The following GRIP1 variants were observed in gnomAD, a reference collection of about 807,000 sequenced individuals.
GRIP1 encodes the protein glutamate receptor-interacting protein 1.
In GRIP1, 45 loss-of-function variants were observed where a neutral mutation model predicts 129.9. That is an observed-to-expected ratio of 0.35 (90% CI 0.27 to 0.44). GRIP1 has a LOEUF of 0.44. GRIP1 is among the 20% of genes least tolerant of loss of function. The pLI is 1.00. For synonymous variants in GRIP1, 530 were observed against 520.8 expected (o/e 1.02, Z -0.24); for missense variants, 1,196 against 1,396.8 (o/e 0.86, Z 2.29).
chr12:66,755,550 T>C (rs2037261333), intron 1 of GRIP1, among the ~76,000 whole-genome samples: 1 of 152,226 alleles, frequency 6.6e-6, no homozygotes, highest in African/African-American at 2.4e-5. Context: ...ATCTTCATAC[T>C]CCCTTGGCTA....
intron 1 of GRIP1, among the ~76,000 whole-genome samples, chr12:66,914,401 A>G (rs542635521): frequency 2.0e-5 from 3 of 152,320 alleles, no homozygotes; most frequent in Admixed American, 6.5e-5. Flanking sequence ...GAATTGTGTT[A>G]TTGCAAATTT....
intron 1 of GRIP1, among the ~76,000 whole-genome samples, chr12:66,945,362 G>A (rs1592376534): frequency 6.6e-6 from 1 of 152,118 alleles, no homozygotes; most frequent in Admixed American, 6.5e-5. Context: ...GCACTAACCT[G>A]TTCTTGTGTT....
chr12:66,961,684 G>A (rs951271925), intron 1 of GRIP1, among the ~76,000 whole-genome samples: 1 of 151,692 alleles, frequency 6.6e-6, no homozygotes, highest in African/African-American at 2.4e-5. Flanking sequence ...AAGCTCATTT[G>A]TTCATCAAAT....
At chr12:66,799,073 C>T (rs1167418620) in intron 1 of GRIP1, among the ~76,000 whole-genome samples, 1 of 152,010 alleles carries the variant, frequency 6.6e-6, no homozygotes, top group African/African-American at 2.4e-5. Flanking sequence ...GTGGGGACTC[C>T]GTAAGTTGAT....
At chr12:66,726,804 T>C (rs749997296) in intron 1 of GRIP1, among the ~76,000 whole-genome samples, 1 of 152,216 alleles carries the variant, frequency 6.6e-6, no homozygotes, top group Non-Finnish European at 1.5e-5. Flanking sequence ...GCCACTATCT[T>C]CATTCTGCCC....
chr12:66,512,027 T>C (rs1311382802), intron 7 of GRIP1, among the ~76,000 whole-genome samples: 2 of 152,112 alleles, frequency 1.3e-5, no homozygotes, highest in East Asian at 1.9e-4. Context: ...GGTTTAAAAG[T>C]GCGTGGTGCT....
At chr12:66,413,867 A>G (rs1344712252) in intron 15 of GRIP1, among the ~76,000 whole-genome samples, 1 of 152,228 alleles carries the variant, frequency 6.6e-6, no homozygotes, top group Non-Finnish European at 1.5e-5. Flanking sequence ...ACCTCAATAG[A>G]TGCAGAAATG....
intron 1 of GRIP1, among the ~76,000 whole-genome samples, chr12:66,875,430 A>G (rs776510278): frequency 6.6e-6 from 1 of 152,096 alleles, no homozygotes; most frequent in Non-Finnish European, 1.5e-5. Context: ...GGATGAGGTT[A>G]CATAGCTGCA....
intron 2 of GRIP1, among the ~76,000 whole-genome samples, chr12:66,573,281 T>C (rs1280673591): frequency 6.6e-6 from 1 of 151,838 alleles, no homozygotes; most frequent in Non-Finnish European, 1.5e-5. Context: ...CCTCTCTGAG[T>C]CAAGACTCAG....
At chr12:67,068,915 C>T (rs7301580) in intron 1 of GRIP1, 1 of 158,804 alleles carries the variant, frequency 6.3e-6, no homozygotes, top group African/African-American at 2.6e-5. Context: ...TGGATTCGCC[C>T]GCGGGCCCTG....
At chr12:66,360,907 C>G (rs1393035609) in intron 23 of GRIP1, among the ~76,000 whole-genome samples, 1 of 152,222 alleles carries the variant, frequency 6.6e-6, no homozygotes, top group Non-Finnish European at 1.5e-5. Context: ...CTATGGCTCA[C>G]TCCCTTGTCC....
At chr12:66,587,154 T>G (rs1024175986) in intron 2 of GRIP1, among the ~76,000 whole-genome samples, 5 of 152,232 alleles carry the variant, frequency 3.3e-5, no homozygotes, top group African/African-American at 1.2e-4. Context: ...TTTTCACTTA[T>G]TAGCAGAAGT....
chr12:66,901,544 G>C (rs1326272334), intron 1 of GRIP1, among the ~76,000 whole-genome samples: 1 of 152,232 alleles, frequency 6.6e-6, no homozygotes, highest in Non-Finnish European at 1.5e-5. Context: ...TCTTACAAGG[G>C]AAGATGGCAC....
intron 1 of GRIP1, among the ~76,000 whole-genome samples, chr12:66,740,283 GT>G (rs2036747557): frequency 6.6e-6 from 1 of 152,062 alleles, no homozygotes. Flanking sequence ...CTAATTTCAG[GT>G]TTGCCTTCCT....
At chr12:66,758,693 A>G (rs1047034515) in intron 1 of GRIP1, among the ~76,000 whole-genome samples, 1 of 152,184 alleles carries the variant, frequency 6.6e-6, no homozygotes, top group Non-Finnish European at 1.5e-5. Flanking sequence ...TACTGGGTAA[A>G]CACAGCCATT....
intron 1 of GRIP1, among the ~76,000 whole-genome samples, chr12:66,783,368 A>G (rs1407765644): frequency 6.6e-6 from 1 of 152,144 alleles, no homozygotes; most frequent in Non-Finnish European, 1.5e-5. Flanking sequence ...GTCATGGGGA[A>G]AAAAAGTGCA....
At chr12:67,061,250 G>C (rs2043530634) in intron 1 of GRIP1, among the ~76,000 whole-genome samples, 1 of 152,188 alleles carries the variant, frequency 6.6e-6, no homozygotes, top group Admixed American at 6.5e-5. Flanking sequence ...CCTGCTAATA[G>C]GCAAATGTAC....
intron 18 of GRIP1, 66 bp downstream of exon 18, chr12:66,392,611 G>A: frequency 6.3e-7 from 1 of 1,585,890 alleles, no homozygotes; most frequent in Non-Finnish European, 8.7e-7. Context: ...ACAGACACTA[G>A]CACATTCTTT....
chr12:66,397,601 G>A (rs2056844611), intron 16 of GRIP1, among the ~76,000 whole-genome samples: 1 of 151,988 alleles, frequency 6.6e-6, no homozygotes, highest in African/African-American at 2.4e-5. Flanking sequence ...ATATATCAGG[G>A]AAATGTGAAC....
Sources: gnomAD v4.1 joint callset for allele counts (sites outside exome capture counted in the v4.1 genomes callset) on GRCh38, gnomAD v4.1.1 for gene constraint, MANE v1.5 for transcripts, NCBI Gene and HGNC (gene_info 2026-07-23, HGNC 2026-07-21) for gene names.